KIF15: variants seen among roughly 807,000 people sequenced by gnomAD.
KIF15 encodes the protein kinesin-like protein KIF15.
KIF15 carries 140 observed loss-of-function variants against 190.6 expected under a neutral mutation model. The observed-to-expected ratio is 0.73, with a 90% confidence interval of 0.64 to 0.84. The LOEUF (loss-of-function observed/expected upper bound fraction) is 0.84, where lower values mean the gene tolerates loss of function less well. Ranked by LOEUF, KIF15 falls within the 40% of genes least tolerant of loss-of-function variation. KIF15 has a pLI of 0.00. For synonymous variants in KIF15, 528 were observed against 551.3 expected (o/e 0.96, Z 0.59); for missense variants, 1,372 against 1,584.4 (o/e 0.87, Z 2.28).
intron 4 of KIF15, among the ~76,000 whole-genome samples, chr3:44,778,464 C>A (rs1706001040): frequency 6.6e-6 from 1 of 152,134 alleles, no homozygotes; most frequent in Admixed American, 6.5e-5. Context: ...TAGCTTACAG[C>A]CCTGTTTATC....
intron 19 of KIF15, among the ~76,000 whole-genome samples, chr3:44,814,553 C>T (rs191506734): frequency 3.3e-5 from 5 of 152,328 alleles, no homozygotes; most frequent in Admixed American, 2.0e-4. Context: ...TCAAGCATTT[C>T]GCCTGCCTCA....
At chr3:44,794,171 G>A (rs767730415) in intron 7 of KIF15, 46 bp from the exon 8 acceptor site, 3 of 1,518,956 alleles carry the variant, frequency 2.0e-6, no homozygotes, top group Non-Finnish European at 2.7e-6. Context: ...ATAAGCCACT[G>A]TAACTGGTCC....
rs766745002 is a variant in KIF15 at position 44,797,614 on chromosome 3, G to A, written c.913G>A (p.Val305Met). 9 of 1,613,942 alleles carry A rather than the reference G, an allele frequency of 5.6e-6. No homozygotes were observed. Among genetic ancestry groups the A allele is most frequent in the African/African-American group, 4.0e-5 (3 of 74,904 alleles). Residue 305 changes from valine (V) to methionine (M), a missense_variant, in exon 9 of 35, where the codon GTG becomes ATG. By Grantham distance (21) the Val-to-Met change is conservative. Coordinates refer to ENST00000326047, the MANE Select transcript of KIF15 (RefSeq NM_020242.3). ...LGQVITALVD[V>M]GNGKQRHVCY... ...CCAAGTGATTACAGCACTTGTCGACGTGGGTAATGGAAAACAGAGACATGT... is the reference window on the plus strand; with the variant it reads ...CCAAGTGATTACAGCACTTGTCGACATGGGTAATGGAAAACAGAGACATGT...
chr3:44,851,243 G>A (rs1699048037), intron 32 of KIF15, among the ~76,000 whole-genome samples: 1 of 152,200 alleles, frequency 6.6e-6, no homozygotes, highest in East Asian at 1.9e-4. Context: ...TCTAGCCTGG[G>A]CAGCAGAGTG....
chr3:44,858,771 A>G lies in KIF15; in HGVS notation c.*59+5977A>G, dbSNP rs1699212364. ...AGAAGCCTAGCCGTCAATACCCACA[A>G]CAGTTATGGAGGCAAGGGAAACAGG... On this transcript the variant is annotated intron_variant and NMD_transcript_variant, in intron 6 of 6. Transcript: ENST00000422209. Among the ~76,000 whole-genome samples, 5 of 152,206 alleles carry G rather than the reference A, an allele frequency of 3.3e-5. No homozygotes were observed. The South Asian group carries it at 1.0e-3, about 31-fold the overall frequency.
chr3:44,789,690 AT>A (rs1468908440), intron 7 of KIF15, among the ~76,000 whole-genome samples: 22 of 109,986 alleles, frequency 2.0e-4, no homozygotes, highest in East Asian at 1.7e-3. Flanking sequence ...ATATATATAT[AT>A]AAAATAGATA....
At chr3:44,829,129 G>A (rs566829697) in intron 24 of KIF15, among the ~76,000 whole-genome samples, 13 of 151,854 alleles carry the variant, frequency 8.6e-5, no homozygotes, top group African/African-American at 9.7e-5. Flanking sequence ...AGGCTGAGGC[G>A]GGTGGATCAC....
chr3:44,776,259 A>T (rs1705887753), intron 3 of KIF15, among the ~76,000 whole-genome samples: 1 of 148,336 alleles, frequency 6.7e-6, no homozygotes, highest in South Asian at 2.1e-4. Flanking sequence ...TTTTCCCCCC[A>T]CTAAGTGATA....
intron 6 of KIF15, chr3:44,861,754 A>G (rs1699249676): frequency 2.9e-6 from 2 of 689,038 alleles, no homozygotes; most frequent in Non-Finnish European, 4.6e-6. Flanking sequence ...GCCACAGCCC[A>G]GGGTCTCTGC....
intron 4 of KIF15, among the ~76,000 whole-genome samples, chr3:44,779,649 A>G (rs1382628511): frequency 2.0e-5 from 3 of 152,074 alleles, no homozygotes; most frequent in African/African-American, 7.2e-5. Flanking sequence ...CCTGGCCAAG[A>G]TGGTGAAACC....
At chr3:44,856,774 T>G (rs563684057), downstream of KIF15, among the ~76,000 whole-genome samples, 42 of 152,266 alleles carry the variant, frequency 2.8e-4, no homozygotes, top group Admixed American at 2.7e-3. Context: ...GAGTTTTTAT[T>G]AAGGAGGCCT....
chr3:44,781,982 T>G (rs1406893772), intron 5 of KIF15, among the ~76,000 whole-genome samples: 1 of 152,180 alleles, frequency 6.6e-6, no homozygotes, highest in African/African-American at 2.4e-5. Context: ...GTCTTTTGAC[T>G]TACTTAAGGT....
intron 7 of KIF15, among the ~76,000 whole-genome samples, chr3:44,793,707 C>T (rs549311576): frequency 6.6e-6 from 1 of 152,194 alleles, no homozygotes; most frequent in East Asian, 1.9e-4. Context: ...GCAATAGATA[C>T]TCCTCACCCC....
chr3:44,773,961 A>G (rs1205186392), intron 1 of KIF15, among the ~76,000 whole-genome samples: 2 of 152,194 alleles, frequency 1.3e-5, no homozygotes, highest in South Asian at 2.1e-4. Context: ...CCAGGCCACA[A>G]CACACCAGCT....
chr3:44,768,336 A>C (rs1705496900), intron 1 of KIF15, among the ~76,000 whole-genome samples: 1 of 152,146 alleles, frequency 6.6e-6, no homozygotes, highest in Non-Finnish European at 1.5e-5. Context: ...TCCTTAGCTC[A>C]GCTAAAATCC....
rs557800222 is a variant in KIF15, at chr3:44,851,721, A to G, written c.3807-66A>G. 27 of 1,366,016 alleles carry G rather than the reference A, an allele frequency of 2.0e-5. No individual in the cohort carries two copies. In the South Asian group the frequency reaches 3.3e-4, roughly 17 times the overall value. The allele number at this position is 1,366,016 out of a possible 1,614,324, so 84.6% of individuals were successfully genotyped here. ...TTCTGGCCTTGCAGTACACATGTCT[A>G]ACTTGAGCACTGTTTTATGATTATG... On this transcript the variant is annotated intron_variant, in intron 32 of 34. Coordinates refer to ENST00000326047, the MANE Select transcript of KIF15 (RefSeq NM_020242.3).
intron 24 of KIF15, among the ~76,000 whole-genome samples, chr3:44,829,658 T>TAATA (rs1697940393): frequency 8.8e-6 from 1 of 113,558 alleles, no homozygotes; most frequent in Non-Finnish European, 1.7e-5. Flanking sequence ...TATGTATATA[T>TAATA]TATGTATATA....
chr3:44,836,186 A>C (rs1698300757), intron 26 of KIF15, among the ~76,000 whole-genome samples: 1 of 152,086 alleles, frequency 6.6e-6, no homozygotes, highest in African/African-American at 2.4e-5. Context: ...ATCTCTACTA[A>C]AAATACAAAA....
At chr3:44,862,155 G>A (rs2125738626) in intron 6 of KIF15, 6 of 1,136,476 alleles carry the variant, frequency 5.3e-6, no homozygotes, top group East Asian at 3.9e-5. Context: ...TGCTGCGGGC[G>A]GGCGGGCGGG....
Sources: gnomAD v4.1 joint callset for allele counts (sites outside exome capture counted in the v4.1 genomes callset) on GRCh38, gnomAD v4.1.1 for gene constraint, MANE v1.5 for transcripts, NCBI Gene and HGNC (gene_info 2026-07-23, HGNC 2026-07-21) for gene names.